The following DUSP10 variants were observed in gnomAD, a reference collection of about 807,000 sequenced individuals.
DUSP10 encodes dual specificity protein phosphatase 10.
Under a neutral mutation model 30.8 loss-of-function variants are expected in DUSP10, and 14 were observed. The ratio of observed to expected loss-of-function variants is 0.46; its 90% CI spans 0.30 to 0.71. The LOEUF (loss-of-function observed/expected upper bound fraction) is 0.71. DUSP10 is among the 30% of genes least tolerant of loss of function. The pLI is 0.08. For synonymous variants in DUSP10, 254 were observed against 250.4 expected (o/e 1.01, Z -0.14); for missense variants, 550 against 619.4 (o/e 0.89, Z 1.19).
rs772534379 is a variant in DUSP10 at position 221,702,422 on chromosome 1, G to A, written c.1439C>T (p.Thr480Met). The stretch of plus-strand genomic sequence containing the variant: ...CCATCCAGACCATTGTCACACAACC[G>A]TCTCCACGCCCATCAGCTTTGGTGT... ...ILTPKLMGVE[T>M]VV Residue 480 changes from threonine to methionine, a missense_variant, in exon 4 of 4, where the codon ACG becomes ATG. Physicochemically the swap from Thr to Met is moderately conservative, Grantham distance 81. Coordinates refer to ENST00000366899, the MANE Select transcript of DUSP10 (RefSeq NM_007207.6). The surrounding 1 kb of genome is among the most constrained non-coding windows in gnomAD (Gnocchi z 4.5). 1 of 1,613,560 alleles carries A rather than the reference G, an allele frequency of 6.2e-7. No homozygotes were observed.
intron 2 of DUSP10, among the ~76,000 whole-genome samples, chr1:221,722,008 T>C (rs1283656982): frequency 6.6e-6 from 1 of 152,150 alleles, no homozygotes; most frequent in African/African-American, 2.4e-5. Flanking sequence ...GTTTCTTCTA[T>C]CTCCTTTTGA....
chr1:221,740,873 G>C (rs1661934945), intron 1 of DUSP10, among the ~76,000 whole-genome samples: 1 of 152,152 alleles, frequency 6.6e-6, no homozygotes, highest in African/African-American at 2.4e-5. Flanking sequence ...TAGGCACAGG[G>C]GCACTCTACA....
rs550311360 is a variant in DUSP10, at chr1:221,704,446, T to C, written c.1183+1649A>G. On this transcript the variant is annotated intron_variant, in intron 3 of 3. Coordinates refer to ENST00000366899, the MANE Select transcript of DUSP10 (RefSeq NM_007207.6). ...TTAAATAGAAAACAATTTCCTAACTTCCTCCAACTGGAGTTAAGTCAGATG... is the reference window on the plus strand; with the variant it reads ...TTAAATAGAAAACAATTTCCTAACTCCCTCCAACTGGAGTTAAGTCAGATG... Among the ~76,000 whole-genome samples the C allele has an allele frequency of 2.0e-5, 3 of 152,250 alleles. No individual in the cohort carries two copies. In the South Asian group the frequency reaches 6.2e-4, roughly 32 times the overall value.
intron 2 of DUSP10, among the ~76,000 whole-genome samples, chr1:221,716,199 A>G (rs1276620272): frequency 6.6e-6 from 1 of 152,202 alleles, no homozygotes; most frequent in African/African-American, 2.4e-5. Context: ...TGTTAGACCT[A>G]TTTTTAAAAA....
chr1:221,739,592 C>G lies in DUSP10; in HGVS notation c.153G>C (p.Val51=). The G allele has an allele frequency of 6.2e-7, 1 of 1,614,160 alleles. No homozygotes were observed. The highest frequency in any genetic ancestry group is 8.5e-7 in the Non-Finnish European group (1 of 1,180,020). ...ACGTCAGATTCGCAGCCTTGAGGGA[C>G]ACAACGGTGGTGGCGATGACAGGAG... ...SHPPVIATTV[V]SLKAANLTYM... The change falls in exon 2 of 4, where the codon GTG becomes GTC. Residue 51 remains valine (V), a synonymous_variant. Transcript: ENST00000366899.
intron 2 of DUSP10, among the ~76,000 whole-genome samples, chr1:221,726,890 A>C (rs554029232): frequency 6.6e-6 from 1 of 152,290 alleles, no homozygotes; most frequent in South Asian, 2.1e-4. Context: ...ATATAAGCAG[A>C]TTATGAATTA....
intron 2 of DUSP10, among the ~76,000 whole-genome samples, chr1:221,714,057 T>G (rs1661021565): frequency 6.6e-6 from 1 of 152,120 alleles, no homozygotes; most frequent in East Asian, 1.9e-4. Context: ...TAGTAATGTT[T>G]TAAGAGAAAA....
At chr1:221,741,631 C>T (rs1329508091) in intron 1 of DUSP10, among the ~76,000 whole-genome samples, 1 of 151,970 alleles carries the variant, frequency 6.6e-6, no homozygotes, top group Admixed American at 6.6e-5. Flanking sequence ...TTAACATCCC[C>T]CCGCCCCCCG....
intron 2 of DUSP10, among the ~76,000 whole-genome samples, chr1:221,709,082 C>T (rs1275584816): frequency 1.3e-5 from 2 of 152,038 alleles, no homozygotes; most frequent in Non-Finnish European, 2.9e-5. Flanking sequence ...TAAAATTCTG[C>T]CTCTACACCT....
At chr1:221,733,124 T>C (rs1176857951) in intron 2 of DUSP10, among the ~76,000 whole-genome samples, 3 of 152,224 alleles carry the variant, frequency 2.0e-5, no homozygotes, top group Non-Finnish European at 4.4e-5. Context: ...CTTCTGATAA[T>C]GCAGGGTTTA....
intron 2 of DUSP10, among the ~76,000 whole-genome samples, chr1:221,717,577 G>A (rs982294): frequency 0.96 from 145,734 of 152,284 alleles, 70,037 homozygotes; most frequent in African/African-American, 0.99. Context: ...TGTGGCTGCT[G>A]TGGACTGATT....
Position 221,728,445 on chromosome 1 carries a change from G to T in DUSP10, c.811+10489C>A, listed in dbSNP as rs537003228. ...ATGTGTTCATTATTATTTTTCCCAG[G>T]GTCTGTCCTTGCCACACCTCCAGAT... On this transcript the variant is annotated intron_variant, in intron 2 of 3. Coordinates refer to ENST00000366899, the MANE Select transcript of DUSP10 (RefSeq NM_007207.6). 1.6e-4 allele frequency among the ~76,000 whole-genome samples: 25 copies of T among 152,196 alleles called. 1 individual carries two copies. The highest frequency in any genetic ancestry group is 5.8e-4 in the African/African-American group (24 of 41,512).
rs562801990 is a variant in DUSP10 at position 221,731,632 on chromosome 1, G to A, written c.811+7302C>T. 3.6e-4 allele frequency among the ~76,000 whole-genome samples: 42 copies of A among 116,960 alleles called. No individual in the cohort carries two copies. In the South Asian group the frequency reaches 1.0e-2, roughly 28 times the overall value. The allele number at this position is 116,960 out of a possible 152,430, so 76.7% of individuals were successfully genotyped here. A position where few individuals can be genotyped will look rare whatever the true frequency, so the allele number is the denominator to read the frequency against. On this transcript the variant is annotated intron_variant, in intron 2 of 3. Transcript: ENST00000366899. ...TTTTTTTTTTTTTTTCTTTTTTTGC[G>A]ACAGAGTCTCACTGTCGCCAGGCTG...
chr1:221,739,094 G>A lies in DUSP10; in HGVS notation c.651C>T (p.Ser217=). 1 of 1,614,182 alleles carries A rather than the reference G, an allele frequency of 6.2e-7. No individual in the cohort carries two copies. Among genetic ancestry groups the A allele is most frequent in the Admixed American group, 1.7e-5 (1 of 60,028 alleles). ...TGAAAGAGTCCTTGCCTTCCCTACA[G>A]GAAATCAAGTCTAGGACAGTGATCT... ...QGKITVLDLI[S]CREGKDSFKR... Residue 217 remains serine (S), a synonymous_variant, in exon 2 of 4, where the codon TCC becomes TCT. Transcript: ENST00000366899.
At chr1:221,722,109 T>C (rs576810194) in intron 2 of DUSP10, among the ~76,000 whole-genome samples, 1 of 152,368 alleles carries the variant, frequency 6.6e-6, no homozygotes, top group Non-Finnish European at 1.5e-5. Context: ...TACTTGAACT[T>C]AAGACCATGT....
chr1:221,736,960 C>T, intron 2 of DUSP10: 1 of 985,464 alleles, frequency 1.0e-6, no homozygotes, highest in Non-Finnish European at 1.2e-6. Flanking sequence ...GTGTGTCCTG[C>T]CCCGCCCCAT....
intron 2 of DUSP10, among the ~76,000 whole-genome samples, chr1:221,730,401 A>C (rs2102645845): frequency 1.3e-5 from 2 of 152,300 alleles, no homozygotes; most frequent in Middle Eastern, 3.4e-3. Context: ...TGATGTGTGC[A>C]ATGGACAACA....
In DUSP10 at chr1:221,739,105, C is replaced by A; in HGVS notation, c.640G>T (p.Asp214Tyr). Residue 214 changes from aspartate to tyrosine, a missense_variant, in exon 2 of 4, where the codon GAC (aspartate) becomes TAC (tyrosine). Transcript: ENST00000366899. ...TTGCCTTCCCTACAGGAAATCAAGT[C>A]TAGGACAGTGATCTTGCCCTGCTGC... ...RLQQGKITVL[D>Y]LISCREGKDS... 2 of 1,614,194 alleles carry A rather than the reference C, an allele frequency of 1.2e-6. No homozygotes were observed. Among genetic ancestry groups the A allele is most frequent in the Non-Finnish European group, 1.7e-6 (2 of 1,180,036 alleles).
intron 2 of DUSP10, among the ~76,000 whole-genome samples, chr1:221,729,129 G>T (rs933725948): frequency 3.3e-5 from 5 of 152,168 alleles, no homozygotes; most frequent in African/African-American, 1.2e-4. Flanking sequence ...CTTCATATAT[G>T]TTAGAATTAT....
Sources: gnomAD v4.1 joint callset for allele counts (sites outside exome capture counted in the v4.1 genomes callset) on GRCh38, gnomAD v4.1.1 for gene constraint, Gnocchi (gnomAD v3.1) non-coding constraint, MANE v1.5 for transcripts, NCBI Gene and HGNC (gene_info 2026-07-23, HGNC 2026-07-21) for gene names.